The following CLNK variants were observed in gnomAD, a reference collection of about 807,000 sequenced individuals.
CLNK encodes the protein cytokine dependent hematopoietic cell linker.
In CLNK, 74 loss-of-function variants were observed where a neutral mutation model predicts 68.6. That is an observed-to-expected ratio of 1.08 (90% CI 0.89 to 1.31). The LOEUF is 1.31. Ranked by LOEUF, CLNK falls within the 50% of genes most tolerant of loss-of-function variation. The probability of loss-of-function intolerance (pLI) is 0.00; values close to 1 mark genes in which losing one functional copy is unlikely to be tolerated. For synonymous variants in CLNK, 198 were observed against 172.2 expected, an observed-to-expected ratio of 1.15 and a Z score of -1.17; for missense variants, 553 against 515.3, an observed-to-expected ratio of 1.07 and a Z score of -0.71.
intron 2 of CLNK, among the ~76,000 whole-genome samples, chr4:10,646,077 C>T (rs1273237486): frequency 6.6e-6 from 1 of 152,024 alleles, no homozygotes; most frequent in African/African-American, 2.4e-5. Flanking sequence ...AGAAATAACA[C>T]CAAAATGTTA....
intron 18 of CLNK, 116 bp downstream of exon 18, chr4:10,501,140 G>T: frequency 1.9e-6 from 2 of 1,075,244 alleles, no homozygotes; most frequent in Non-Finnish European, 2.6e-6. Context: ...GGGGAGGTCA[G>T]ACTGCATCCC....
rs145262242 is a variant in CLNK, at chr4:10,670,029, G to A, written c.-42-2118C>T. Among the ~76,000 whole-genome samples the A allele has an allele frequency of 4.3e-4, 66 of 152,272 alleles. No individual in the cohort carries two copies. The Middle Eastern group carries it at 0.01, about 24-fold the overall frequency. On this transcript the variant is annotated intron_variant, in intron 1 of 18. Coordinates refer to ENST00000226951, the MANE Select transcript of CLNK (RefSeq NM_052964.4). ...GTTCCAGTGCTGCCATTAACTAGCC[G>A]TGTGGCCTTGAAGGAACACTTGGAC...
chr4:10,699,293 C>CACACACACCACATACGTGTGTGTAT, the CLNK span, among the ~76,000 whole-genome samples: 606 of 15,042 alleles, frequency 0.04, 47 homozygotes, highest in African/African-American at 0.085. Context: ...TACGTGTATA[C>CACACACACCACATACGTGTGTGTAT]ACACACACAC....
chr4:10,654,009 T>A (rs1246204966), intron 2 of CLNK, among the ~76,000 whole-genome samples: 1 of 144,384 alleles, frequency 6.9e-6, no homozygotes, highest in African/African-American at 2.4e-5. Flanking sequence ...CAATTCAAGA[T>A]CAGTTTGCTG....
At chr4:10,651,550 A>G (rs1390181355) in intron 2 of CLNK, among the ~76,000 whole-genome samples, 1 of 152,166 alleles carries the variant, frequency 6.6e-6, no homozygotes, top group Non-Finnish European at 1.5e-5. Flanking sequence ...GCCTGAATTT[A>G]TGATTTCCTT....
At chr4:10,693,139 C>T in the CLNK span, among the ~76,000 whole-genome samples, 4 of 152,108 alleles carry the variant, frequency 2.6e-5, no homozygotes, top group African/African-American at 4.8e-5. Context: ...ATCCTTGAGC[C>T]TTGTATAAGG....
intron 6 of CLNK, among the ~76,000 whole-genome samples, chr4:10,565,251 C>A (rs891375320): frequency 6.6e-6 from 1 of 152,228 alleles, no homozygotes; most frequent in African/African-American, 2.4e-5. Context: ...AACATGGAAA[C>A]TGGCACGTAG....
the CLNK span, among the ~76,000 whole-genome samples, chr4:10,696,423 C>T: frequency 6.6e-6 from 1 of 152,226 alleles, no homozygotes; most frequent in African/African-American, 2.4e-5. Flanking sequence ...CACTGAGCAA[C>T]CCAATTGCTG....
At chr4:10,495,835 A>C (rs924201347) in intron 18 of CLNK, among the ~76,000 whole-genome samples, 57 of 151,928 alleles carry the variant, frequency 3.8e-4, no homozygotes, top group African/African-American at 1.1e-3. Context: ...AGAGAGAGAG[A>C]GATGAGGAGA....
intron 18 of CLNK, among the ~76,000 whole-genome samples, chr4:10,497,621 T>A (rs1037241998): frequency 5.3e-5 from 8 of 152,226 alleles, no homozygotes; most frequent in Non-Finnish European, 1.2e-4. Flanking sequence ...GATTAAGCTG[T>A]TAGGATATTA....
chr4:10,714,713 CGT>C, the CLNK span, among the ~76,000 whole-genome samples: 11 of 118,654 alleles, frequency 9.3e-5, no homozygotes, highest in African/African-American at 3.2e-4. Flanking sequence ...TGTGTGTGTG[CGT>C]GTGAGTAGCT....
intron 15 of CLNK, among the ~76,000 whole-genome samples, chr4:10,516,543 G>A (rs1560197288): frequency 7.8e-6 from 1 of 128,846 alleles, no homozygotes; most frequent in Non-Finnish European, 1.6e-5. Flanking sequence ...TGAGACCAAG[G>A]ATTGTAGCTT....
chr4:10,612,456 C>G (rs948035450), intron 2 of CLNK, among the ~76,000 whole-genome samples: 9 of 152,182 alleles, frequency 5.9e-5, no homozygotes, highest in African/African-American at 1.9e-4. Flanking sequence ...TCAGGTTAAG[C>G]CATATTTCTA....
intron 3 of CLNK, among the ~76,000 whole-genome samples, chr4:10,589,948 G>A (rs1184709809): frequency 1.3e-5 from 2 of 152,198 alleles, no homozygotes; most frequent in African/African-American, 2.4e-5. Context: ...ACATGGCCAC[G>A]TGCAAGCGGG....
At chr4:10,699,343 T>TAC in the CLNK span, among the ~76,000 whole-genome samples, 1,096 of 28,584 alleles carry the variant, frequency 0.038, 74 homozygotes, top group African/African-American at 0.061. Flanking sequence ...CGTGTGTGTA[T>TAC]ACACACACAC....
At chr4:10,717,889 T>A in the CLNK span, among the ~76,000 whole-genome samples, 1 of 152,216 alleles carries the variant, frequency 6.6e-6, no homozygotes, top group Non-Finnish European at 1.5e-5. Flanking sequence ...AACAGAGATG[T>A]AAGACTTATC....
chr4:10,640,279 C>G (rs1723261458), intron 2 of CLNK, among the ~76,000 whole-genome samples: 1 of 152,188 alleles, frequency 6.6e-6, no homozygotes, highest in South Asian at 2.1e-4. Context: ...ATTCTCCTGC[C>G]TTGGCCTCCC....
In CLNK at chr4:10,663,977, C is replaced by T. The variant is rs114049405; in HGVS notation, c.11+3882G>A. Among the ~76,000 whole-genome samples, 1,503 of 152,266 alleles carry T rather than the reference C, an allele frequency of 9.9e-3. 32 individuals carry two copies. Among genetic ancestry groups the T allele is most frequent in the African/African-American group, 0.034 (1,414 of 41,554 alleles). The stretch of plus-strand genomic sequence containing the variant: ...TCTCACCAGACACTAAATCTGCTAG[C>T]CCCATGTTCTTGGACTTCCCAGCTC... On this transcript the variant is annotated intron_variant, in intron 2 of 18. Coordinates refer to ENST00000226951, the MANE Select transcript of CLNK (RefSeq NM_052964.4).
chr4:10,689,735 A>G (rs1725394611), upstream of CLNK, among the ~76,000 whole-genome samples: 1 of 65,116 alleles, frequency 1.5e-5, no homozygotes, highest in Non-Finnish European at 3.9e-5. Context: ...CAATGGATCA[A>G]AACCCATGCA....
Sources: gnomAD v4.1 joint callset for allele counts (sites outside exome capture counted in the v4.1 genomes callset) on GRCh38, gnomAD v4.1.1 for gene constraint, MANE v1.5 for transcripts, NCBI Gene and HGNC (gene_info 2026-07-23, HGNC 2026-07-21) for gene names.